The following NCOA1 variants were observed in gnomAD, a reference collection of about 807,000 sequenced individuals.
The protein encoded by NCOA1 is nuclear receptor coactivator 1.
A neutral mutation model predicts 150.9 loss-of-function variants in NCOA1; 35 were observed. That is an observed-to-expected ratio of 0.23 (90% confidence interval 0.18 to 0.31). The LOEUF (loss-of-function observed/expected upper bound fraction) is 0.31, where lower values mean the gene tolerates loss of function less well. Ranked by LOEUF, NCOA1 falls within the 10% of genes least tolerant of loss-of-function variation. NCOA1 has a pLI of 1.00. For missense variants in NCOA1, 1,491 were observed against 1,749.3 expected (o/e 0.85, Z 2.63); for synonymous variants, 590 against 630.0 (o/e 0.94, Z 0.95).
At chr2:24,709,523 A>G (rs959060266) in intron 13 of NCOA1, among the ~76,000 whole-genome samples, 2 of 152,046 alleles carry the variant, frequency 1.3e-5, no homozygotes, top group African/African-American at 4.8e-5. Flanking sequence ...TATTTTGCTT[A>G]TTGACTTTTA....
At chr2:24,621,965 T>G (rs1350014820) in intron 3 of NCOA1, among the ~76,000 whole-genome samples, 1 of 152,192 alleles carries the variant, frequency 6.6e-6, no homozygotes, top group Non-Finnish European at 1.5e-5. Flanking sequence ...GTTCACAGAG[T>G]GACACCTCTA....
Position 24,533,659 on chromosome 2 carries a change from G to A in NCOA1, c.-395-30636G>A, listed in dbSNP as rs926433294. Among the ~76,000 whole-genome samples, 8 of 152,246 alleles carry A rather than the reference G, an allele frequency of 5.3e-5. No individual in the cohort carries two copies. The East Asian group carries it at 1.5e-3, about 29-fold the overall frequency. Reference sequence around the variant, plus strand: ...TTATTGAGAGTTTTTAGCATGAAGGGCTGTTGAATTTTGTTGAAGGCCTTT... The same window carrying A: ...TTATTGAGAGTTTTTAGCATGAAGGACTGTTGAATTTTGTTGAAGGCCTTT... On this transcript the variant is annotated intron_variant, in intron 1 of 22. Coordinates refer to ENST00000348332, the MANE Select transcript of NCOA1 (RefSeq NM_003743.5).
At chr2:24,570,051 CT>C (rs71397440) in intron 2 of NCOA1, among the ~76,000 whole-genome samples, 18,981 of 122,062 alleles carry the variant, frequency 0.16, 1,370 homozygotes, top group Middle Eastern at 0.22. Context: ...GTGGTATATA[CT>C]TTTTTTTTTT....
intron 3 of NCOA1, among the ~76,000 whole-genome samples, chr2:24,596,463 T>C (rs906029058): frequency 6.6e-6 from 1 of 152,170 alleles, no homozygotes; most frequent in African/African-American, 2.4e-5. Flanking sequence ...CTACTAGGAA[T>C]TAAAGAAATC....
intron 4 of NCOA1, among the ~76,000 whole-genome samples, chr2:24,652,379 T>A (rs1670746520): frequency 6.6e-6 from 1 of 152,110 alleles, no homozygotes; most frequent in African/African-American, 2.4e-5. Context: ...CTATTTATCA[T>A]GTTTTTCCTG....
At chr2:24,718,724 A>G (rs6755381) in intron 14 of NCOA1, among the ~76,000 whole-genome samples, 1 of 144,552 alleles carries the variant, frequency 6.9e-6, no homozygotes, top group Admixed American at 6.9e-5. Flanking sequence ...TACTAAAACT[A>G]CAAAAAAAAA....
At chr2:24,535,155 T>A (rs2148177361) in intron 1 of NCOA1, among the ~76,000 whole-genome samples, 1 of 152,314 alleles carries the variant, frequency 6.6e-6, no homozygotes, top group Admixed American at 6.5e-5. Context: ...CATATATATT[T>A]AGGATAGTTA....
chr2:24,617,088 A>T (rs1668904668), intron 3 of NCOA1, among the ~76,000 whole-genome samples: 1 of 152,128 alleles, frequency 6.6e-6, no homozygotes, highest in Non-Finnish European at 1.5e-5. Context: ...TTACCATCAA[A>T]TACTTGTTTG....
intron 21 of NCOA1, among the ~76,000 whole-genome samples, chr2:24,760,642 C>T (rs1664745629): frequency 1.3e-5 from 2 of 152,064 alleles, no homozygotes; most frequent in Non-Finnish European, 2.9e-5. Context: ...GTCATTTTAT[C>T]TTTGTTCTTC....
At chr2:24,610,990 C>T (rs553561248) in intron 3 of NCOA1, among the ~76,000 whole-genome samples, 21 of 152,150 alleles carry the variant, frequency 1.4e-4, no homozygotes, top group African/African-American at 4.8e-4. Context: ...AGTACATGTA[C>T]AGGTTTGTTA....
intron 19 of NCOA1, among the ~76,000 whole-genome samples, chr2:24,746,239 G>A (rs1663910363): frequency 6.6e-6 from 1 of 152,202 alleles, no homozygotes; most frequent in Admixed American, 6.5e-5. Context: ...GTCTAGCAGG[G>A]AAACTTAACA....
chr2:24,529,608 C>T (rs1664795482), intron 1 of NCOA1, among the ~76,000 whole-genome samples: 1 of 152,178 alleles, frequency 6.6e-6, no homozygotes, highest in Non-Finnish European at 1.5e-5. Context: ...AAGTGATGGG[C>T]TACAGGTAAA....
intron 14 of NCOA1, among the ~76,000 whole-genome samples, chr2:24,725,750 TGA>T (rs970092817): frequency 3.6e-5 from 5 of 139,168 alleles, no homozygotes; most frequent in African/African-American, 7.7e-5. Context: ...TGTGTGTGTG[TGA>T]GATCCCAGAA....
At chr2:24,572,091 T>C (rs991795360) in intron 2 of NCOA1, among the ~76,000 whole-genome samples, 2 of 152,178 alleles carry the variant, frequency 1.3e-5, no homozygotes, top group Non-Finnish European at 2.9e-5. Context: ...ATAATATGTA[T>C]CTAGTAAATA....
chr2:24,703,201 G>A (rs555191968), intron 11 of NCOA1, among the ~76,000 whole-genome samples: 62 of 152,176 alleles, frequency 4.1e-4, no homozygotes, highest in Non-Finnish European at 4.9e-4. Context: ...TCTTAAACTT[G>A]TAAATGACAG....
At chr2:24,587,101 GAA>G (rs112750246) in intron 3 of NCOA1, among the ~76,000 whole-genome samples, 3 of 130,002 alleles carry the variant, frequency 2.3e-5, no homozygotes, top group Non-Finnish European at 3.3e-5. Context: ...CAGCAGAGAA[GAA>G]AAAAAAAAAA....
In NCOA1 at chr2:24,768,405, A is replaced by G; in HGVS notation, c.*14A>G. The G allele has an allele frequency of 6.4e-7, 1 of 1,566,276 alleles. No homozygotes were observed. The highest frequency in any genetic ancestry group is 8.7e-7 in the Non-Finnish European group (1 of 1,150,870). ...CTGACTGAATAACCACTTTTAAAGG[A>G]ATGTGAAATTTAAATAATAGACATA... On this transcript the variant is annotated 3_prime_UTR_variant, in exon 23 of 23. Coordinates refer to ENST00000348332, the MANE Select transcript of NCOA1 (RefSeq NM_003743.5).
At position 24,592,648 on chromosome 2, in the gene NCOA1, T is replaced by C. The variant is rs531265504; in HGVS notation, c.-175+8088T>C. ...AACCATGGTTTCTTGTAGAGGCTCC[T>C]TGGGAGCTTTAACAACATCAGTCAG... On this transcript the variant is annotated intron_variant, in intron 3 of 22. Coordinates refer to ENST00000348332, the MANE Select transcript of NCOA1 (RefSeq NM_003743.5). 3.5e-3 allele frequency among the ~76,000 whole-genome samples: 531 copies of C among 149,590 alleles called. 1 individual carries two copies. Among genetic ancestry groups the C allele is most frequent in the Admixed American group, 5.9e-3 (87 of 14,768 alleles).
At chr2:24,668,207 T>C (rs958510757) in intron 6 of NCOA1, among the ~76,000 whole-genome samples, 12 of 152,062 alleles carry the variant, frequency 7.9e-5, no homozygotes, top group Admixed American at 4.6e-4. Flanking sequence ...TAACATATGA[T>C]TAATCCCAGA....
Sources: allele counts gnomAD v4.1 joint callset (sites outside exome capture counted in the v4.1 genomes callset), GRCh38; gene constraint gnomAD v4.1.1; transcripts MANE v1.5; gene names NCBI Gene and HGNC (gene_info 2026-07-23, HGNC 2026-07-21).